Variants in DNAH6 observed in about 807,000 individuals in gnomAD.
The protein encoded by DNAH6 is axonemal beta dynein heavy chain 6.
In DNAH6, 340 loss-of-function variants were observed where a neutral mutation model predicts 491.4. That is an observed-to-expected ratio of 0.69 (90% CI 0.63 to 0.76). DNAH6 has a LOEUF of 0.76. Ranked by LOEUF, DNAH6 falls within the 30% of genes least tolerant of loss-of-function variation. The pLI is 0.00. For missense variants in DNAH6, 4,443 were observed against 4,972.2 expected (o/e 0.89, Z 3.20); for synonymous variants, 1,603 against 1,686.1 (o/e 0.95, Z 1.21).
At chr2:84,818,259 A>G (rs1326743215) in intron 76 of DNAH6, among the ~76,000 whole-genome samples, 1 of 152,114 alleles carries the variant, frequency 6.6e-6, no homozygotes, top group Non-Finnish European at 1.5e-5. Flanking sequence ...CCTACTACCT[A>G]AGAATTATTC....
the DNAH6 span, among the ~76,000 whole-genome samples, chr2:84,494,518 A>G: frequency 6.6e-6 from 1 of 152,210 alleles, no homozygotes; most frequent in African/African-American, 2.4e-5. Context: ...TCATACACGG[A>G]CTAAAGAAAC....
chr2:84,607,909 T>C (rs1017468382), intron 21 of DNAH6, among the ~76,000 whole-genome samples: 5 of 152,208 alleles, frequency 3.3e-5, no homozygotes, highest in African/African-American at 4.8e-5. Context: ...CATGCAATAT[T>C]TTATAGCATT....
chr2:84,714,219 G>A (rs1230773780), intron 57 of DNAH6, among the ~76,000 whole-genome samples: 2 of 152,190 alleles, frequency 1.3e-5, no homozygotes, highest in African/African-American at 2.4e-5. Flanking sequence ...TCCAAAGAGC[G>A]TCACTTTCAT....
chr2:84,493,224 T>C, the DNAH6 span, among the ~76,000 whole-genome samples: 1 of 152,172 alleles, frequency 6.6e-6, no homozygotes. Flanking sequence ...ATGTAGATAA[T>C]ATATGTATAC....
intron 4 of DNAH6, among the ~76,000 whole-genome samples, chr2:84,537,582 A>G (rs1304732283): frequency 6.6e-6 from 1 of 152,024 alleles, no homozygotes; most frequent in African/African-American, 2.4e-5. Flanking sequence ...GGTTTTTCTG[A>G]GTAGATGGAT....
At position 84,576,708 on chromosome 2, in the gene DNAH6, A is replaced by G. The variant is rs1426846783; in HGVS notation, c.1925-549A>G. Among the ~76,000 whole-genome samples, 2 of 152,186 alleles carry G rather than the reference A, an allele frequency of 1.3e-5. 1 individual carries two copies. Among genetic ancestry groups the G allele is most frequent in the South Asian group, 4.1e-4 (2 of 4,828 alleles). The stretch of plus-strand genomic sequence containing the variant: ...ATGGATTGGATGAGGGAGGAAATGG[A>G]GGCAAGAAGATTATCAAAATGCAAC... On this transcript the variant is annotated intron_variant, in intron 12 of 76. Coordinates refer to ENST00000389394, the MANE Select transcript of DNAH6 (RefSeq NM_001370.2).
rs1171862938 is a variant in DNAH6, at chr2:84,815,776, G to GAATTT, written c.12151-85_12151-84insAATTT. 1.6e-5 allele frequency: 15 copies of GAATTT among 921,036 alleles called. No homozygotes were observed. In the African/African-American group the frequency reaches 2.0e-4, roughly 12 times the overall value. 57.1% of individuals were successfully genotyped at this position (921,036 alleles called of 1,614,324 possible). A position where few individuals can be genotyped will look rare whatever the true frequency, so the allele number is the denominator to read the frequency against. On this transcript the variant is annotated intron_variant, in intron 75 of 76. Coordinates refer to ENST00000389394, the MANE Select transcript of DNAH6 (RefSeq NM_001370.2). ...ATAGAGTGTTTTTTAGAATTACCTGGTGAGGATGTGGGACATAGGAAGTGG... is the reference window on the plus strand; with the variant it reads ...ATAGAGTGTTTTTTAGAATTACCTGGAATTTTGAGGATGTGGGACATAGGAAGTGG...
At chr2:84,734,065 C>T (rs550974157) in intron 62 of DNAH6, among the ~76,000 whole-genome samples, 23 of 151,900 alleles carry the variant, frequency 1.5e-4, no homozygotes, top group Admixed American at 5.9e-4. Flanking sequence ...TCAGAGGTAA[C>T]GACTACTCTG....
chr2:84,689,905 C>G (rs546431329), intron 45 of DNAH6, among the ~76,000 whole-genome samples: 1 of 152,178 alleles, frequency 6.6e-6, no homozygotes, highest in African/African-American at 2.4e-5. Flanking sequence ...TTCATAACAG[C>G]TCTCCAGATA....
At chr2:84,525,523 C>A in intron 2 of DNAH6, 42 bp from the exon 3 acceptor site, 2 of 1,504,636 alleles carry the variant, frequency 1.3e-6, no homozygotes, top group South Asian at 1.3e-5. Context: ...CAAGTTTATA[C>A]GAATGTTAAT....
intron 64 of DNAH6, among the ~76,000 whole-genome samples, chr2:84,780,034 G>T (rs1192377): frequency 0.25 from 37,885 of 151,882 alleles, 5,295 homozygotes; most frequent in African/African-American, 0.4. Context: ...CCTTTGTAAG[G>T]GATCTGACCT....
At chr2:84,496,425 A>C in the DNAH6 span, among the ~76,000 whole-genome samples, 1 of 152,216 alleles carries the variant, frequency 6.6e-6, no homozygotes, top group Non-Finnish European at 1.5e-5. Context: ...GGCTTACAAA[A>C]ATATAATCAT....
intron 54 of DNAH6, among the ~76,000 whole-genome samples, chr2:84,708,625 TAGAG>T (rs1039752604): frequency 7.4e-6 from 1 of 135,088 alleles, no homozygotes; most frequent in East Asian, 2.3e-4. Flanking sequence ...GAGAGGGAGA[TAGAG>T]GAGAGGAAGA....
In DNAH6 at chr2:84,579,547, T is replaced by C; in HGVS notation, c.2097T>C (p.Pro699=). ...RCLEVLNFML[P]RQSKKKVDAI... is the part of the protein sequence containing the mutation. ...CTTAGGTGCTAAATTTTATGCTTCC[T>C]CGTCAAAGCAAGAAAAAAGTGGATG... is the stretch of plus-strand genomic sequence containing the variant. The change falls in exon 14 of 77, where the codon CCT becomes CCC. Residue 699 remains proline, a synonymous_variant. Coordinates refer to ENST00000389394, the MANE Select transcript of DNAH6 (RefSeq NM_001370.2). 6.2e-7 allele frequency: 1 copy of C among 1,613,868 alleles called. No individual in the cohort carries two copies. Among genetic ancestry groups the C allele is most frequent in the Middle Eastern group, 1.7e-4 (1 of 6,060 alleles).
intron 9 of DNAH6, among the ~76,000 whole-genome samples, chr2:84,551,848 G>A (rs1158961946): frequency 6.6e-6 from 1 of 152,168 alleles, no homozygotes; most frequent in East Asian, 1.9e-4. Context: ...AGGAGTTCGA[G>A]ACCAGCCTGG....
intron 37 of DNAH6, among the ~76,000 whole-genome samples, chr2:84,662,375 G>A (rs531023242): frequency 1.3e-5 from 2 of 151,846 alleles, no homozygotes; most frequent in African/African-American, 2.4e-5. Flanking sequence ...GTGACAGGCA[G>A]TACCTGGAAA....
At chr2:84,663,332 A>G (rs1407169602) in intron 37 of DNAH6, among the ~76,000 whole-genome samples, 1 of 152,178 alleles carries the variant, frequency 6.6e-6, no homozygotes, top group Non-Finnish European at 1.5e-5. Context: ...ATCACAAAGA[A>G]TCTAAAAACC....
At position 84,777,563 on chromosome 2, in the gene DNAH6, TC is replaced by T. The variant is rs1676261622; in HGVS notation, c.10704-3929del. The T allele has an allele frequency of 7.7e-6, 6 of 780,928 alleles. No individual in the cohort carries two copies. In the South Asian group the frequency reaches 8.2e-5, roughly 11 times the overall value. 48.4% of individuals were successfully genotyped at this position (780,928 alleles called of 1,614,324 possible). ...ACTCTCAACCACCTACTTGTGAACC[TC>T]TTTCCACTGTTACTTATCTGTATCA... On this transcript the variant is annotated intron_variant, in intron 64 of 76. Coordinates refer to ENST00000389394, the MANE Select transcript of DNAH6 (RefSeq NM_001370.2).
At chr2:84,569,057 C>T (rs949466798) in intron 11 of DNAH6, among the ~76,000 whole-genome samples, 4 of 152,084 alleles carry the variant, frequency 2.6e-5, no homozygotes, top group Non-Finnish European at 2.9e-5. Context: ...TTCAACAATA[C>T]GTAAGTACAT....
Sources: allele counts gnomAD v4.1 joint callset (sites outside exome capture counted in the v4.1 genomes callset), GRCh38; gene constraint gnomAD v4.1.1; transcripts MANE v1.5; gene names NCBI Gene and HGNC (gene_info 2026-07-23, HGNC 2026-07-21).